The following MTAP variants were observed in gnomAD, a reference collection of about 807,000 sequenced individuals.
The protein encoded by MTAP is methylthioadenosine phosphorylase.
In MTAP, 33 loss-of-function variants were observed where a neutral mutation model predicts 33.6. The ratio of observed to expected loss-of-function variants is 0.98; its 90% CI spans 0.74 to 1.31. The LOEUF is 1.31. Ranked by LOEUF, MTAP falls within the 40% of genes most tolerant of loss-of-function variation. The pLI, the probability that MTAP is intolerant of heterozygous loss-of-function variation, is 0.00. For synonymous variants in MTAP, 148 were observed against 125.7 expected (o/e 1.18, Z -1.19); for missense variants, 367 against 360.0 (o/e 1.02, Z -0.16).
At position 21,863,279 on chromosome 9, in the gene MTAP, T is replaced by C. The variant is rs1293000946; in HGVS notation, c.*1265T>C. The C allele has an allele frequency of 1.0e-6, 1 of 984,070 alleles. No homozygotes were observed. Among genetic ancestry groups the C allele is most frequent in the African/African-American group, 1.7e-5 (1 of 57,220 alleles). 61.0% of individuals were successfully genotyped at this position (984,070 alleles called of 1,614,324 possible). On this transcript the variant is annotated 3_prime_UTR_variant, in exon 8 of 8. Coordinates refer to ENST00000644715, the MANE Select transcript of MTAP (RefSeq NM_002451.4). ...GCTTTTTAATAAAGTGGAAGCTTGC[T>C]TTTTTAACTCTTTTTTTATTGTTAT... is the stretch of plus-strand genomic sequence containing the variant.
At chr9:21,830,915 C>T (rs776396356) in intron 4 of MTAP, among the ~76,000 whole-genome samples, 23 of 152,104 alleles carry the variant, frequency 1.5e-4, no homozygotes, top group Non-Finnish European at 2.2e-4. Flanking sequence ...AGCTCGACTT[C>T]GATGATGCAT....
chr9:21,898,450 A>G (rs1818334741), intron 1 of MTAP, among the ~76,000 whole-genome samples: 1 of 152,224 alleles, frequency 6.6e-6, no homozygotes, highest in African/African-American at 2.4e-5. Flanking sequence ...CAGGCAATCT[A>G]TGGAATGGGA....
At chr9:21,908,828 A>C (rs189128004) in intron 1 of MTAP, among the ~76,000 whole-genome samples, 4 of 152,080 alleles carry the variant, frequency 2.6e-5, no homozygotes, top group African/African-American at 4.8e-5. Context: ...TTGATATTAC[A>C]TTATATATAC....
chr9:21,889,402 A>G (rs4593639), intron 1 of MTAP, among the ~76,000 whole-genome samples: 1 of 151,342 alleles, frequency 6.6e-6, no homozygotes, highest in African/African-American at 2.4e-5. Context: ...AGAGATTTCG[A>G]CTTAGTTTGG....
At chr9:21,918,704 A>G (rs1224487632) in intron 1 of MTAP, among the ~76,000 whole-genome samples, 1 of 152,168 alleles carries the variant, frequency 6.6e-6, no homozygotes, top group African/African-American at 2.4e-5. Flanking sequence ...TGTTCTCGTG[A>G]TAGTGAATAA....
At chr9:21,826,024 C>T (rs1020771966) in intron 4 of MTAP, among the ~76,000 whole-genome samples, 24 of 151,902 alleles carry the variant, frequency 1.6e-4, no homozygotes, top group African/African-American at 5.8e-4. Context: ...AGTTTCCTTA[C>T]GTATTTTGGG....
At chr9:21,834,983 G>A (rs532944436) in intron 4 of MTAP, among the ~76,000 whole-genome samples, 236 of 152,204 alleles carry the variant, frequency 1.6e-3, no homozygotes, top group Middle Eastern at 3.4e-3. Flanking sequence ...TTGATACAAC[G>A]GAATACCATA....
At chr9:21,811,759 G>T (rs1013882569) in intron 1 of MTAP, 20 of 530,276 alleles carry the variant, frequency 3.8e-5, no homozygotes, top group Admixed American at 3.7e-4. Flanking sequence ...CCTCGCCCGT[G>T]TACCAGTACA....
rs1439447074 is a variant in MTAP, at chr9:21,866,281, C to T, written c.*4267C>T. On this transcript the variant is annotated 3_prime_UTR_variant, in exon 8 of 8. Coordinates refer to ENST00000644715, the MANE Select transcript of MTAP (RefSeq NM_002451.4). The stretch of plus-strand genomic sequence containing the variant: ...AAGAATTGTTTATATATTCTGGATA[C>T]ACTCTTTTTCAGATATGTGTGTTGT... 1 of 152,108 alleles carries T rather than the reference C, an allele frequency of 6.6e-6. No homozygotes were observed. The highest frequency in any genetic ancestry group is 1.5e-5 in the Non-Finnish European group (1 of 68,002). 9.4% of individuals were successfully genotyped at this position (152,108 alleles called of 1,614,324 possible).
intron 1 of MTAP, among the ~76,000 whole-genome samples, chr9:21,872,195 C>G (rs1825947482): frequency 6.6e-6 from 1 of 152,152 alleles, no homozygotes; most frequent in South Asian, 2.1e-4. Flanking sequence ...CACCTGTAAT[C>G]CCAGCTACTC....
At chr9:21,870,478 G>A (rs867623346), downstream of MTAP, among the ~76,000 whole-genome samples, 7 of 152,276 alleles carry the variant, frequency 4.6e-5, no homozygotes, top group East Asian at 1.9e-4. Flanking sequence ...TTGCAAAGCC[G>A]TGTATGTTCT....
At chr9:21,816,295 G>C (rs1287583213) in intron 2 of MTAP, among the ~76,000 whole-genome samples, 1 of 152,072 alleles carries the variant, frequency 6.6e-6, no homozygotes, top group East Asian at 1.9e-4. Context: ...GATCATCTTA[G>C]ACCTGGTTAA....
intron 4 of MTAP, among the ~76,000 whole-genome samples, chr9:21,828,220 C>A (rs780017950): frequency 1.3e-5 from 2 of 152,178 alleles, no homozygotes; most frequent in Admixed American, 1.3e-4. Context: ...CTTAATGTTT[C>A]CTTGGAAGTT....
chr9:21,896,301 G>C (rs570131186), intron 1 of MTAP, among the ~76,000 whole-genome samples: 39 of 152,190 alleles, frequency 2.6e-4, no homozygotes, highest in Admixed American at 1.4e-3. Context: ...ATCTAAAATT[G>C]ACACCCTAAC....
At chr9:21,853,340 A>G (rs10118757) in intron 5 of MTAP, among the ~76,000 whole-genome samples, 38,656 of 152,048 alleles carry the variant, frequency 0.25, 6,690 homozygotes, top group African/African-American at 0.49. Flanking sequence ...TGCATTTATA[A>G]CATATACTTT....
At chr9:21,873,699 A>C (rs1336322671) in intron 1 of MTAP, among the ~76,000 whole-genome samples, 1 of 150,186 alleles carries the variant, frequency 6.7e-6, no homozygotes, top group Non-Finnish European at 1.5e-5. Flanking sequence ...CAAAAGGACT[A>C]AGACAGCAGC....
intron 4 of MTAP, among the ~76,000 whole-genome samples, chr9:21,836,199 A>G (rs1295915331): frequency 1.3e-5 from 2 of 152,184 alleles, no homozygotes; most frequent in Non-Finnish European, 2.9e-5. Flanking sequence ...TGGAAAATGA[A>G]GAATCAAAAA....
At chr9:21,876,454 C>T (rs1024723486) in intron 1 of MTAP, among the ~76,000 whole-genome samples, 3 of 152,148 alleles carry the variant, frequency 2.0e-5, no homozygotes, top group East Asian at 1.9e-4. Context: ...ATTTCTATGT[C>T]CAGGATGGTA....
At chr9:21,830,674 C>G (rs1282204672) in intron 4 of MTAP, among the ~76,000 whole-genome samples, 1 of 152,172 alleles carries the variant, frequency 6.6e-6, no homozygotes, top group Non-Finnish European at 1.5e-5. Flanking sequence ...ATGGTACACA[C>G]CCTTGTATGT....
Sources: allele counts gnomAD v4.1 joint callset (sites outside exome capture counted in the v4.1 genomes callset), GRCh38; gene constraint gnomAD v4.1.1; transcripts MANE v1.5; gene names NCBI Gene and HGNC (gene_info 2026-07-23, HGNC 2026-07-21).